Variants in SCUBE1 observed in about 807,000 individuals in gnomAD.
SCUBE1 encodes the protein signal peptide, CUB and EGF-like domain-containing protein 1.
SCUBE1 carries 59 observed loss-of-function variants against 124.4 expected under a neutral mutation model. That is an observed-to-expected ratio of 0.47 (90% CI 0.38 to 0.59). SCUBE1 has a LOEUF of 0.59. Ranked by LOEUF, SCUBE1 falls within the 20% of genes least tolerant of loss-of-function variation. The pLI, the probability that SCUBE1 is intolerant of heterozygous loss-of-function variation, is 0.00. For synonymous variants in SCUBE1, 545 were observed against 550.9 expected, an observed-to-expected ratio of 0.99 and a Z score of 0.15; for missense variants, 1,150 against 1,371.2, an observed-to-expected ratio of 0.84 and a Z score of 2.55.
At position 43,205,178 on chromosome 22, in the gene SCUBE1, C is replaced by T. The variant is rs183321171; in HGVS notation, c.2815-1029G>A. Among the ~76,000 whole-genome samples, 9 of 152,072 alleles carry T rather than the reference C, an allele frequency of 5.9e-5. No individual in the cohort carries two copies. The East Asian group carries it at 1.2e-3, about 20-fold the overall frequency. Reference sequence around the variant, plus strand: ...GTCACGATGCCTCTTCCCGGGGCTGCGAGGAAAATGATCTGCACTGGCGTG... The same window carrying T: ...GTCACGATGCCTCTTCCCGGGGCTGTGAGGAAAATGATCTGCACTGGCGTG... On this transcript the variant is annotated intron_variant, in intron 21 of 21. Coordinates refer to ENST00000360835, the MANE Select transcript of SCUBE1 (RefSeq NM_173050.5).
chr22:43,304,912 T>C (rs931862532), intron 3 of SCUBE1, among the ~76,000 whole-genome samples: 2 of 152,186 alleles, frequency 1.3e-5, no homozygotes, highest in East Asian at 3.9e-4. Context: ...GGAGTATTTC[T>C]GCACATGGCC....
intron 2 of SCUBE1, 57 bp from the exon 3 acceptor site, chr22:43,320,122 C>T: frequency 1.2e-6 from 2 of 1,605,308 alleles, no homozygotes; most frequent in African/African-American, 1.3e-5. Flanking sequence ...TCCCCTCTCC[C>T]AACACCATGG....
chr22:43,305,818 C>T (rs1027771568), intron 3 of SCUBE1, among the ~76,000 whole-genome samples: 2 of 152,188 alleles, frequency 1.3e-5, no homozygotes, highest in Admixed American at 6.5e-5. Flanking sequence ...AAAGTAGCAC[C>T]TGGGAGGTTA....
intron 5 of SCUBE1, among the ~76,000 whole-genome samples, chr22:43,261,253 G>A (rs950430518): frequency 6.6e-6 from 1 of 152,252 alleles, no homozygotes; most frequent in Non-Finnish European, 1.5e-5. Flanking sequence ...TGGAGACGGG[G>A]CCTGGATGGA....
At chr22:43,206,384 T>C in intron 21 of SCUBE1, among the ~76,000 whole-genome samples, 1 of 147,396 alleles carries the variant, frequency 6.8e-6, no homozygotes, top group African/African-American at 2.5e-5. Flanking sequence ...CACAGCACAC[T>C]CCCCCACCCC....
chr22:43,229,930 G>A (rs1224136195), intron 8 of SCUBE1, among the ~76,000 whole-genome samples: 2 of 152,172 alleles, frequency 1.3e-5, no homozygotes, highest in Admixed American at 6.5e-5. Context: ...CAAAACAGAC[G>A]CCAACCTGCC....
At chr22:43,249,781 C>G (rs138323747) in intron 6 of SCUBE1, among the ~76,000 whole-genome samples, 46 of 152,372 alleles carry the variant, frequency 3.0e-4, no homozygotes, top group Middle Eastern at 3.4e-3. Context: ...CTGAGTGCAG[C>G]CACGCGGCCC....
At chr22:43,226,640 G>T (rs1922319720) in intron 10 of SCUBE1, among the ~76,000 whole-genome samples, 1 of 146,626 alleles carries the variant, frequency 6.8e-6, no homozygotes, top group South Asian at 2.4e-4. Flanking sequence ...GGTGGGGGTG[G>T]GGGCGGGGTT....
chr22:43,220,872 G>A (rs1173590743), intron 13 of SCUBE1, among the ~76,000 whole-genome samples: 2 of 152,240 alleles, frequency 1.3e-5, no homozygotes, highest in Non-Finnish European at 2.9e-5. Flanking sequence ...GGTTTGGCCA[G>A]TGCAGACTCG....
chr22:43,325,507 G>A (rs1926697255), intron 2 of SCUBE1, among the ~76,000 whole-genome samples: 1 of 151,678 alleles, frequency 6.6e-6, no homozygotes, highest in Admixed American at 6.6e-5. Context: ...GAGAAAAGTG[G>A]GGAAGAGATT....
intron 3 of SCUBE1, among the ~76,000 whole-genome samples, chr22:43,314,489 G>A (rs758178172): frequency 1.6e-4 from 24 of 152,066 alleles, no homozygotes; most frequent in Non-Finnish European, 3.4e-4. Flanking sequence ...GCACCCCCCT[G>A]ACCCCACCAC....
At chr22:43,220,148 C>T (rs973785944) in intron 14 of SCUBE1, among the ~76,000 whole-genome samples, 9 of 152,202 alleles carry the variant, frequency 5.9e-5, no homozygotes, top group African/African-American at 1.7e-4. Context: ...ACCTATTTGT[C>T]CTCCCGGGTC....
intron 19 of SCUBE1, among the ~76,000 whole-genome samples, chr22:43,208,654 G>C (rs558040009): frequency 6.6e-6 from 1 of 152,298 alleles, no homozygotes; most frequent in Admixed American, 6.5e-5. Context: ...AACTGGCACT[G>C]ACTGCTGGGA....
chr22:43,241,289 C>G (rs1303551360), intron 6 of SCUBE1, among the ~76,000 whole-genome samples: 1 of 152,104 alleles, frequency 6.6e-6, no homozygotes, highest in South Asian at 2.1e-4. Context: ...ACCCGCTCCA[C>G]AGCAGGGGTC....
chr22:43,253,798 C>A (rs536155907), intron 6 of SCUBE1, among the ~76,000 whole-genome samples: 1 of 121,380 alleles, frequency 8.2e-6, no homozygotes, highest in Non-Finnish European at 1.6e-5. Flanking sequence ...GGGAAGGTCG[C>A]GGGGTACCTA....
chr22:43,318,772 C>T (rs185682788), intron 3 of SCUBE1, among the ~76,000 whole-genome samples: 22 of 152,240 alleles, frequency 1.4e-4, no homozygotes, highest in African/African-American at 4.8e-4. Context: ...TCTTGTCGCC[C>T]GGGCTGGAGT....
intron 6 of SCUBE1, among the ~76,000 whole-genome samples, chr22:43,249,796 G>A (rs561603361): frequency 6.6e-6 from 1 of 152,368 alleles, no homozygotes; most frequent in South Asian, 2.1e-4. Context: ...CGGCCCAGAG[G>A]GCTTGGCTGG....
In SCUBE1 at chr22:43,222,574, G is replaced by GCA. The variant is rs1446870099; in HGVS notation, c.1432+62_1432+63dup. On this transcript the variant is annotated intron_variant, in intron 12 of 21. Transcript: ENST00000360835. ...GGCGGTGCCCTTTCCTCCCCCGCCA[G>GCA]CATGTTGCTGGATGCAGTCAAGTCA... 7.1e-6 allele frequency: 9 copies of GCA among 1,267,908 alleles called. No individual in the cohort carries two copies. In the African/African-American group the frequency reaches 1.3e-4, roughly 19 times the overall value. 78.5% of individuals were successfully genotyped at this position (1,267,908 alleles called of 1,614,324 possible).
intron 15 of SCUBE1, among the ~76,000 whole-genome samples, chr22:43,215,147 G>A (rs956408560): frequency 6.6e-6 from 1 of 152,224 alleles, no homozygotes; most frequent in Non-Finnish European, 1.5e-5. Context: ...GGGTCCTTGG[G>A]GATTTGGCTG....
Sources: allele counts gnomAD v4.1 joint callset (sites outside exome capture counted in the v4.1 genomes callset), GRCh38; gene constraint gnomAD v4.1.1; transcripts MANE v1.5; gene names NCBI Gene and HGNC (gene_info 2026-07-23, HGNC 2026-07-21).